Variants in ARMH3 observed in about 807,000 individuals in gnomAD.
ARMH3 encodes the protein armadillo like helical domain containing 3.
A neutral mutation model predicts 99.1 loss-of-function variants in ARMH3; 60 were observed. The observed-to-expected ratio is 0.61, with a 90% CI of 0.49 to 0.75. The LOEUF (loss-of-function observed/expected upper bound fraction) is 0.75, where lower values mean the gene tolerates loss of function less well. Among genes scored for constraint, ARMH3 ranks in the 30% least tolerant of loss-of-function variants. ARMH3 has a pLI of 0.00. For missense variants in ARMH3, 679 were observed against 843.1 expected, an observed-to-expected ratio of 0.81 and a Z score of 2.41; for synonymous variants, 285 against 292.8, an observed-to-expected ratio of 0.97 and a Z score of 0.27.
rs777494144 is a variant in ARMH3, at chr10:102,009,364, T to C, written c.954+10A>G. On this transcript the variant is annotated intron_variant, in intron 13 of 25. Transcript: ENST00000370033. ...GAGAAAAAAACACTGGGATTTTTAA[T>C]GTGACCAACCTGAGCTAATACTGTG... 15 of 1,608,758 alleles carry C rather than the reference T, an allele frequency of 9.3e-6. No homozygotes were observed. The highest frequency in any genetic ancestry group is 3.4e-5 in the Admixed American group (2 of 59,512).
chr10:101,905,627 T>C (rs2068084049), intron 23 of ARMH3, among the ~76,000 whole-genome samples: 1 of 152,120 alleles, frequency 6.6e-6, no homozygotes, highest in Non-Finnish European at 1.5e-5. Context: ...TATGGCCAAG[T>C]CTAATTGGGA....
intron 23 of ARMH3, among the ~76,000 whole-genome samples, chr10:101,897,876 T>C (rs1311374335): frequency 6.6e-6 from 1 of 152,032 alleles, no homozygotes; most frequent in Non-Finnish European, 1.5e-5. Flanking sequence ...CAAAATGAAG[T>C]GGATAGATGG....
chr10:102,029,324 C>T, intron 5 of ARMH3: 1 of 931,678 alleles, frequency 1.1e-6, no homozygotes, highest in African/African-American at 1.7e-5. Flanking sequence ...TAAAGTTACC[C>T]TTGTATGTTG....
intron 13 of ARMH3, among the ~76,000 whole-genome samples, chr10:102,007,595 T>C (rs2066528623): frequency 7.2e-6 from 1 of 138,680 alleles, no homozygotes. Flanking sequence ...CCGAGGCAGA[T>C]GGACCACGAG....
In ARMH3 at chr10:102,011,765, T is replaced by C; in HGVS notation, c.789A>G (p.Glu263=). 1 of 1,611,220 alleles carries C rather than the reference T, an allele frequency of 6.2e-7. No individual in the cohort carries two copies. The highest frequency in any genetic ancestry group is 2.2e-5 in the East Asian group (1 of 44,832). Residue 263 remains glutamate (E), a synonymous_variant, in exon 11 of 26, where the codon GAA becomes GAG. Transcript: ENST00000370033. The part of the protein sequence containing the change: ...SEYNRQYKDK[E]EEHQSGFFSA... ...AGAAAAAACCACTTTGGTGTTCTTC[T>C]TCCTTGTCTTTATACTGCCTAAACA...
chr10:101,946,249 T>C (rs539577408), intron 22 of ARMH3, among the ~76,000 whole-genome samples: 21 of 152,210 alleles, frequency 1.4e-4, no homozygotes, highest in African/African-American at 5.1e-4. Flanking sequence ...AAAGCAGTTA[T>C]CATAACTATG....
intron 23 of ARMH3, among the ~76,000 whole-genome samples, chr10:101,932,163 T>A (rs904988010): frequency 6.6e-6 from 1 of 152,162 alleles, no homozygotes; most frequent in African/African-American, 2.4e-5. Context: ...ATGCTCAACA[T>A]CACTAGTTAT....
intron 1 of ARMH3, among the ~76,000 whole-genome samples, chr10:102,055,505 T>C (rs1382528962): frequency 6.6e-6 from 1 of 152,118 alleles, no homozygotes; most frequent in Non-Finnish European, 1.5e-5. Context: ...TATACCCTCC[T>C]GGGAACAGGT....
chr10:102,032,958 T>G, intron 4 of ARMH3, 68 bp downstream of exon 4: 1 of 1,563,156 alleles, frequency 6.4e-7, no homozygotes. Flanking sequence ...GGTTCCTCAG[T>G]TCAAACAGAT....
At chr10:101,967,170 G>A (rs1031127647) in intron 20 of ARMH3, among the ~76,000 whole-genome samples, 1 of 152,062 alleles carries the variant, frequency 6.6e-6, no homozygotes, top group Non-Finnish European at 1.5e-5. Flanking sequence ...TAGGAGAGAT[G>A]GATAATTTCA....
At position 101,880,399 on chromosome 10, in the gene ARMH3, A is replaced by G. The variant is rs183846518; in HGVS notation, c.1860+9013T>C. On this transcript the variant is annotated intron_variant, in intron 24 of 25. Transcript: ENST00000370033. ...GAAAACTTTTACTTAGGTGGCTCCC[A>G]TGGGGAAAGTGGGTCACATTCACCT... is the stretch of plus-strand genomic sequence containing the variant. 2.0e-5 allele frequency among the ~76,000 whole-genome samples: 3 copies of G among 152,296 alleles called. No individual in the cohort carries two copies. The East Asian group carries it at 5.8e-4, about 29-fold the overall frequency.
intron 19 of ARMH3, among the ~76,000 whole-genome samples, chr10:101,990,196 T>C (rs1300660840): frequency 6.7e-6 from 1 of 150,294 alleles, no homozygotes; most frequent in Non-Finnish European, 1.5e-5. Flanking sequence ...TTTTTTTTTT[T>C]TTCCCAGACA....
At chr10:101,860,555 G>A (rs918491622) in intron 24 of ARMH3, among the ~76,000 whole-genome samples, 5 of 152,160 alleles carry the variant, frequency 3.3e-5, no homozygotes, top group African/African-American at 7.2e-5. Context: ...GAGACAGGCC[G>A]AGAAGGAGCT....
At chr10:101,900,524 G>A (rs1384813309) in intron 23 of ARMH3, among the ~76,000 whole-genome samples, 6 of 152,108 alleles carry the variant, frequency 3.9e-5, no homozygotes, top group Admixed American at 1.3e-4. Flanking sequence ...TATGAATTAA[G>A]AACTTTTTAA....
At chr10:101,938,724 G>GT (rs755695949) in intron 23 of ARMH3, among the ~76,000 whole-genome samples, 16 of 152,158 alleles carry the variant, frequency 1.1e-4, no homozygotes, top group Non-Finnish European at 2.1e-4. Context: ...CGCATTTATC[G>GT]TAAGGCCTCA....
In ARMH3 at chr10:101,889,304, T is replaced by C; in HGVS notation, c.1860+108A>G. 3.7e-6 allele frequency: 4 copies of C among 1,083,878 alleles called. No homozygotes were observed. The East Asian group carries it at 7.1e-5, about 19-fold the overall frequency. The allele number at this position is 1,083,878 out of a possible 1,614,324, so 67.1% of individuals were successfully genotyped here. A position where few individuals can be genotyped will look rare whatever the true frequency, so the allele number is the denominator to read the frequency against. On this transcript the variant is annotated intron_variant, in intron 24 of 25. Transcript: ENST00000370033. ...CTAATTCCTCTCAGCAGCCTGGCCCTGGTCACTACCACAAAAGCTCAGTCA... is the reference window on the plus strand; with the variant it reads ...CTAATTCCTCTCAGCAGCCTGGCCCCGGTCACTACCACAAAAGCTCAGTCA...
intron 4 of ARMH3, among the ~76,000 whole-genome samples, chr10:102,031,960 G>C (rs867982633): frequency 6.6e-6 from 1 of 152,054 alleles, no homozygotes; most frequent in Non-Finnish European, 1.5e-5. Flanking sequence ...GGATGGTCTC[G>C]ATCTCCTGAT....
intron 8 of ARMH3, among the ~76,000 whole-genome samples, chr10:102,016,771 A>G (rs1235291375): frequency 6.6e-6 from 1 of 152,234 alleles, no homozygotes; most frequent in Non-Finnish European, 1.5e-5. Context: ...TTTCATCCAC[A>G]AGACAGAATT....
chr10:101,847,709 G>GTAGCAGGCACTGTC, intron 25 of ARMH3, 89 bp from the exon 26 acceptor site: 1 of 1,110,774 alleles, frequency 9.0e-7, no homozygotes. Context: ...GACAGTGCCT[G>GTAGCAGGCACTGTC]CTACACGGGG....
Sources: allele counts gnomAD v4.1 joint callset (sites outside exome capture counted in the v4.1 genomes callset), GRCh38; gene constraint gnomAD v4.1.1; transcripts MANE v1.5; gene names NCBI Gene and HGNC (gene_info 2026-07-23, HGNC 2026-07-21).